Variants in HIP1 observed in about 807,000 individuals in gnomAD.
The protein encoded by HIP1 is huntingtin interacting protein 1.
In HIP1, 65 loss-of-function variants were observed where a neutral mutation model predicts 147.6. The observed-to-expected ratio is 0.44, with a 90% CI of 0.36 to 0.54. HIP1 has a LOEUF of 0.54. Ranked by LOEUF, HIP1 falls within the 20% of genes least tolerant of loss-of-function variation. The pLI is 0.00. For missense variants in HIP1, 1,061 were observed against 1,299.6 expected, an observed-to-expected ratio of 0.82 and a Z score of 2.82; for synonymous variants, 479 against 504.0, an observed-to-expected ratio of 0.95 and a Z score of 0.67.
intron 1 of HIP1, among the ~76,000 whole-genome samples, chr7:75,692,074 C>G (rs908326157): frequency 6.6e-6 from 1 of 152,056 alleles, no homozygotes; most frequent in African/African-American, 2.4e-5. Context: ...CAATTACAAC[C>G]AACCAACCAA....
intron 1 of HIP1, among the ~76,000 whole-genome samples, chr7:75,663,237 C>T (rs1374636119): frequency 1.3e-5 from 2 of 152,174 alleles, no homozygotes; most frequent in Admixed American, 6.6e-5. Context: ...TCCCGGACAG[C>T]GTCTTTGCTC....
At chr7:75,693,919 C>CTCTT (rs1321620934) in intron 1 of HIP1, among the ~76,000 whole-genome samples, 1 of 114,876 alleles carries the variant, frequency 8.7e-6, no homozygotes, top group South Asian at 2.7e-4. Flanking sequence ...ATTCTCTTTT[C>CTCTT]TTTTTTTTTT....
intron 1 of HIP1, among the ~76,000 whole-genome samples, chr7:75,642,166 A>G (rs1798671555): frequency 6.6e-6 from 1 of 152,170 alleles, no homozygotes; most frequent in South Asian, 2.1e-4. Context: ...TGGGAGGCTG[A>G]GGTGGGAGGA....
chr7:75,691,464 C>A (rs1482271954), intron 1 of HIP1, among the ~76,000 whole-genome samples: 1 of 150,162 alleles, frequency 6.7e-6, no homozygotes, highest in Non-Finnish European at 1.5e-5. Context: ...GCACTCCAGC[C>A]TGGGTGACAG....
rs577886022 is a variant in HIP1, at chr7:75,664,019, C to CAT, written c.121-64774_121-64773dup. On this transcript the variant is annotated intron_variant, in intron 1 of 30. Coordinates refer to ENST00000336926, the MANE Select transcript of HIP1 (RefSeq NM_005338.7). ...ACACATATATGTGTATATATATACACATATATGTGTATATATATACACATA... is the reference window on the plus strand; with the variant it reads ...ACACATATATGTGTATATATATACACATATATATGTGTATATATATACACATA... 3.2e-3 allele frequency among the ~76,000 whole-genome samples: 74 copies of CAT among 23,248 alleles called. 8 individuals carry two copies. Among genetic ancestry groups the CAT allele is most frequent in the African/African-American group, 0.028 (69 of 2,428 alleles). The allele number at this position is 23,248 out of a possible 152,430, so 15.3% of individuals were successfully genotyped here. A position where few individuals can be genotyped will look rare whatever the true frequency, so the allele number is the denominator to read the frequency against.
At chr7:75,690,500 C>G (rs1029421061) in intron 1 of HIP1, among the ~76,000 whole-genome samples, 10 of 152,060 alleles carry the variant, frequency 6.6e-5, no homozygotes, top group Non-Finnish European at 1.5e-4. Context: ...AAACCGGAAC[C>G]CTTGTACACT....
intron 1 of HIP1, among the ~76,000 whole-genome samples, chr7:75,651,523 A>G (rs1334132225): frequency 1.3e-5 from 2 of 150,872 alleles, no homozygotes; most frequent in Non-Finnish European, 2.9e-5. Flanking sequence ...AAACATCCCA[A>G]GATTCTAAAG....
At chr7:75,643,326 T>G (rs1798706691) in intron 1 of HIP1, among the ~76,000 whole-genome samples, 2 of 152,182 alleles carry the variant, frequency 1.3e-5, no homozygotes, top group Admixed American at 6.5e-5. Context: ...TTATTTCATT[T>G]CACCCTTAAA....
intron 1 of HIP1, among the ~76,000 whole-genome samples, chr7:75,672,699 T>A (rs1461872548): frequency 6.6e-6 from 1 of 152,212 alleles, no homozygotes; most frequent in Non-Finnish European, 1.5e-5. Flanking sequence ...GTTTATTTTT[T>A]CTTTGGTTGT....
intron 1 of HIP1, among the ~76,000 whole-genome samples, chr7:75,641,457 T>G (rs541202322): frequency 6.7e-6 from 1 of 149,910 alleles, no homozygotes; most frequent in Non-Finnish European, 1.5e-5. Context: ...CTTTTTTGGT[T>G]TTCTTTTTCT....
chr7:75,737,738 C>A (rs1157802800), intron 1 of HIP1, among the ~76,000 whole-genome samples: 1 of 152,146 alleles, frequency 6.6e-6, no homozygotes, highest in Non-Finnish European at 1.5e-5. Context: ...CCTTTCCCTC[C>A]AACTGTGTTT....
intron 1 of HIP1, among the ~76,000 whole-genome samples, chr7:75,630,734 A>T (rs1554508758): frequency 6.6e-6 from 1 of 152,008 alleles, no homozygotes; most frequent in Non-Finnish European, 1.5e-5. Context: ...CACATGCCCC[A>T]TCCTTTGTGC....
At chr7:75,650,642 G>A (rs907820684) in intron 1 of HIP1, among the ~76,000 whole-genome samples, 14 of 152,002 alleles carry the variant, frequency 9.2e-5, no homozygotes, top group African/African-American at 1.7e-4. Flanking sequence ...TAGTAGAGAC[G>A]GGGTTTCGCC....
intron 1 of HIP1, chr7:75,626,830 G>C (rs1175179590): frequency 1.3e-5 from 2 of 151,958 alleles, no homozygotes; most frequent in African/African-American, 2.4e-5. Context: ...AAATTTGGCT[G>C]TTTTTGACTT....
chr7:75,540,862 C>T (rs1794280417), intron 29 of HIP1, among the ~76,000 whole-genome samples: 1 of 151,976 alleles, frequency 6.6e-6, no homozygotes. Context: ...TAATTCATAC[C>T]AGAAGTCTAA....
At chr7:75,601,568 C>T (rs587678779) in intron 1 of HIP1, among the ~76,000 whole-genome samples, 3 of 151,744 alleles carry the variant, frequency 2.0e-5, no homozygotes, top group African/African-American at 7.3e-5. Context: ...TGCACTCCAG[C>T]CTGGCTGAGA....
chr7:75,555,344 T>G, intron 19 of HIP1, 72 bp downstream of exon 19: 4,027 of 1,548,142 alleles, frequency 2.6e-3, no homozygotes, highest in Non-Finnish European at 3.2e-3. Context: ...AAGTCTCACA[T>G]GAGATTCAAC....
chr7:75,705,224 C>T (rs1554519560), intron 1 of HIP1, among the ~76,000 whole-genome samples: 1 of 152,102 alleles, frequency 6.6e-6, no homozygotes, highest in Non-Finnish European at 1.5e-5. Context: ...CTTTGTGTCT[C>T]TATGTTTGTG....
At chr7:75,550,329 T>C (rs1794736262) in intron 22 of HIP1, among the ~76,000 whole-genome samples, 1 of 152,248 alleles carries the variant, frequency 6.6e-6, no homozygotes, top group South Asian at 2.1e-4. Context: ...TGAACTTGTA[T>C]GTGCCCTGAT....
Sources: allele counts gnomAD v4.1 joint callset (sites outside exome capture counted in the v4.1 genomes callset), GRCh38; gene constraint gnomAD v4.1.1; transcripts MANE v1.5; gene names NCBI Gene and HGNC (gene_info 2026-07-23, HGNC 2026-07-21).